Variants in STK33 observed in about 807,000 individuals in gnomAD.
STK33 encodes serine/threonine kinase 33.
In STK33, 52 loss-of-function variants were observed where a neutral mutation model predicts 58.0. The ratio of observed to expected loss-of-function variants is 0.90; its 90% CI spans 0.72 to 1.13. STK33 has a LOEUF of 1.13. Ranked by LOEUF, STK33 falls within the 50% of genes most tolerant of loss-of-function variation. The pLI, the probability that STK33 is intolerant of heterozygous loss-of-function variation, is 0.00. For missense variants in STK33, 630 were observed against 604.2 expected (o/e 1.04, Z -0.45); for synonymous variants, 215 against 200.1 (o/e 1.07, Z -0.63).
intron 14 of STK33, among the ~76,000 whole-genome samples, chr11:8,421,242 T>G (rs981389944): frequency 6.6e-6 from 1 of 152,200 alleles, no homozygotes; most frequent in Non-Finnish European, 1.5e-5. Flanking sequence ...TATATTCACC[T>G]ATATTTCCAC....
In STK33 at chr11:8,474,515, A is replaced by G. The variant is rs544634903; in HGVS notation, c.225+166T>C. The G allele has an allele frequency of 6.3e-5, 32 of 506,222 alleles. No individual in the cohort carries two copies. In the South Asian group the frequency reaches 1.2e-3, roughly 18 times the overall value. 31.4% of individuals were successfully genotyped at this position (506,222 alleles called of 1,614,324 possible). ...CAGTGGTTTGAAACATCATATAACAAGTTACTAACCAAATTTACTCACCTC... is the reference window on the plus strand; with the variant it reads ...CAGTGGTTTGAAACATCATATAACAGGTTACTAACCAAATTTACTCACCTC... On this transcript the variant is annotated intron_variant, in intron 5 of 15. Transcript: ENST00000687296.
In STK33 at chr11:8,486,962, G is replaced by T. The variant is rs534213813; in HGVS notation, c.-465-6348C>A. On this transcript the variant is annotated intron_variant, in intron 1 of 15. Coordinates refer to ENST00000687296, the MANE Select transcript of STK33 (RefSeq NM_001352389.2). ...GAGATAGATAGCAGCCATTTACTGA[G>T]ACAGTAAAGACAGGAGGAAGAACAG... Among the ~76,000 whole-genome samples the T allele has an allele frequency of 3.3e-5, 5 of 152,286 alleles. No individual in the cohort carries two copies. In the East Asian group the frequency reaches 7.7e-4, roughly 24 times the overall value.
At chr11:8,397,370 A>G (rs1849546796) in intron 15 of STK33, among the ~76,000 whole-genome samples, 1 of 152,260 alleles carries the variant, frequency 6.6e-6, no homozygotes, top group Non-Finnish European at 1.5e-5. Context: ...GTGGACCTCC[A>G]GCAAACTCCA....
chr11:8,585,989 T>C (rs2031526486), intron 1 of STK33, among the ~76,000 whole-genome samples: 1 of 150,958 alleles, frequency 6.6e-6, no homozygotes, highest in African/African-American at 2.4e-5. Flanking sequence ...GGAGGTGGAG[T>C]TTGCAGTGAA....
intron 1 of STK33, among the ~76,000 whole-genome samples, chr11:8,501,753 C>A (rs1454711443): frequency 2.0e-5 from 3 of 152,140 alleles, no homozygotes; most frequent in Non-Finnish European, 2.9e-5. Flanking sequence ...CAGCATTATT[C>A]ATAATAGCCA....
At chr11:8,459,139 T>C (rs1947223106) in intron 8 of STK33, among the ~76,000 whole-genome samples, 1 of 152,190 alleles carries the variant, frequency 6.6e-6, no homozygotes, top group Non-Finnish European at 1.5e-5. Context: ...TTTAAATATA[T>C]AAGTTGGTCA....
the STK33 span, among the ~76,000 whole-genome samples, chr11:8,373,665 C>T: frequency 1.3e-5 from 2 of 152,190 alleles, no homozygotes; most frequent in Non-Finnish European, 2.9e-5. Context: ...CCACTGCCAC[C>T]GTGATGGACC....
chr11:8,497,267 T>C (rs1004885908), intron 1 of STK33, among the ~76,000 whole-genome samples: 2 of 152,056 alleles, frequency 1.3e-5, no homozygotes, highest in African/African-American at 2.4e-5. Flanking sequence ...AAACTCTGAG[T>C]GGCATAAACT....
chr11:8,489,123 G>A (rs1950392172), intron 1 of STK33, among the ~76,000 whole-genome samples: 1 of 151,828 alleles, frequency 6.6e-6, no homozygotes, highest in African/African-American at 2.4e-5. Context: ...CAGGCATGGT[G>A]GCATGCACAT....
At chr11:8,361,963 C>T in the STK33 span, among the ~76,000 whole-genome samples, 1 of 152,212 alleles carries the variant, frequency 6.6e-6, no homozygotes, top group Non-Finnish European at 1.5e-5. The surrounding 1 kb of genome is among the most constrained non-coding windows in gnomAD (Gnocchi z 4.8). Flanking sequence ...GGTCAGACAC[C>T]TCCCCAGGAC....
chr11:8,565,381 C>T (rs982137857), intron 1 of STK33, among the ~76,000 whole-genome samples: 2 of 152,142 alleles, frequency 1.3e-5, no homozygotes, highest in African/African-American at 2.4e-5. Flanking sequence ...TGGATATAAG[C>T]CTATGGCCAT....
At chr11:8,517,385 C>T (rs1294773375) in intron 1 of STK33, among the ~76,000 whole-genome samples, 1 of 152,140 alleles carries the variant, frequency 6.6e-6, no homozygotes, top group African/African-American at 2.4e-5. Flanking sequence ...TGGGGAGAAA[C>T]CAGAGCAGAA....
intron 1 of STK33, among the ~76,000 whole-genome samples, chr11:8,570,887 TACAC>T (rs147983182): frequency 3.3e-5 from 5 of 151,938 alleles, no homozygotes; most frequent in African/African-American, 7.2e-5. Flanking sequence ...TAAAAGCTGT[TACAC>T]ACACACACAG....
At chr11:8,335,530 T>G in the STK33 span, among the ~76,000 whole-genome samples, 2 of 152,172 alleles carry the variant, frequency 1.3e-5, no homozygotes, top group East Asian at 3.9e-4. Flanking sequence ...GTCCTCCCTG[T>G]GAAGATGGAT....
At chr11:8,374,474 G>C in the STK33 span, among the ~76,000 whole-genome samples, 1 of 152,188 alleles carries the variant, frequency 6.6e-6, no homozygotes, top group African/African-American at 2.4e-5. Flanking sequence ...TCTAGTGAGG[G>C]CTCTCTTCCT....
At chr11:8,442,454 T>C (rs1030501484) in intron 11 of STK33, among the ~76,000 whole-genome samples, 1 of 152,138 alleles carries the variant, frequency 6.6e-6, no homozygotes, top group African/African-American at 2.4e-5. Context: ...ATCAGGGGCA[T>C]TTCGATTTGC....
At chr11:8,413,264 C>T (rs755738793) in intron 15 of STK33, among the ~76,000 whole-genome samples, 12 of 152,204 alleles carry the variant, frequency 7.9e-5, no homozygotes, top group Non-Finnish European at 1.5e-4. Flanking sequence ...TGTTCCCTTA[C>T]AGAAAAAGTT....
chr11:8,577,147 A>G (rs1450499299), intron 1 of STK33, among the ~76,000 whole-genome samples: 1 of 152,186 alleles, frequency 6.6e-6, no homozygotes, highest in East Asian at 1.9e-4. Flanking sequence ...AACATGATAC[A>G]ACTATCAAAA....
Position 8,392,451 on chromosome 11 carries a change from T to G in STK33, c.*59A>C. 6.3e-7 allele frequency: 1 copy of G among 1,594,628 alleles called. No individual in the cohort carries two copies. ...GCTGTCTTCTTCCCCTCCTACCCCC[T>G]CATCAAAGTGCTAACAAGAGCAGCT... is the stretch of plus-strand genomic sequence containing the variant. On this transcript the variant is annotated 3_prime_UTR_variant, in exon 16 of 16. Coordinates refer to ENST00000687296, the MANE Select transcript of STK33 (RefSeq NM_001352389.2).
Sources: gnomAD v4.1 joint callset for allele counts (sites outside exome capture counted in the v4.1 genomes callset) on GRCh38, gnomAD v4.1.1 for gene constraint, Gnocchi (gnomAD v3.1) non-coding constraint, MANE v1.5 for transcripts, NCBI Gene and HGNC (gene_info 2026-07-23, HGNC 2026-07-21) for gene names.